Variants in CCDC61 observed in about 807,000 individuals in gnomAD.
The protein encoded by CCDC61 is coiled-coil domain containing 61.
In CCDC61, 55 loss-of-function variants were observed where a neutral mutation model predicts 63.0. The ratio of observed to expected loss-of-function variants is 0.87; its 90% confidence interval spans 0.70 to 1.09. The LOEUF (loss-of-function observed/expected upper bound fraction) is 1.09. Ranked by LOEUF, CCDC61 falls within the 50% of genes least tolerant of loss-of-function variation. The pLI, the probability that CCDC61 is intolerant of heterozygous loss-of-function variation, is 0.00. For missense variants in CCDC61, 651 were observed against 731.4 expected, an observed-to-expected ratio of 0.89 and a Z score of 1.27; for synonymous variants, 270 against 317.0, an observed-to-expected ratio of 0.85 and a Z score of 1.58.
In CCDC61 at chr19:46,008,317, GT is replaced by G; in HGVS notation, c.551+17del. 1 of 1,265,736 alleles carries G rather than the reference GT, an allele frequency of 7.9e-7. No homozygotes were observed. 78.4% of individuals were successfully genotyped at this position (1,265,736 alleles called of 1,614,324 possible). On this transcript the variant is annotated intron_variant, in intron 5 of 13. Transcript: ENST00000595358. ...TGCGGGAGCAGTGAGTCTTGGAGGG[GT>G]GGGCAGCTGGGGCGGGTGGGGGCCC... is the stretch of plus-strand genomic sequence containing the variant.
chr19:46,018,274 A>C lies in CCDC61; in HGVS notation c.1442-16A>C, dbSNP rs1968991484. On this transcript the variant is annotated splice_polypyrimidine_tract_variant and intron_variant, in intron 13 of 13. Transcript: ENST00000595358. This position sits in a 1 kb window ranked among gnomAD's most constrained non-coding sequence, Gnocchi z 4.2. ...CAGGCCCCTCACAGCCCCCATACCCACACCTGCTCTCACAGAGTACAGCTC... is the reference window on the plus strand; with the variant it reads ...CAGGCCCCTCACAGCCCCCATACCCCCACCTGCTCTCACAGAGTACAGCTC... The C allele has an allele frequency of 6.5e-7, 1 of 1,549,898 alleles. No homozygotes were observed.
intron 5 of CCDC61, among the ~76,000 whole-genome samples, chr19:46,013,403 C>T (rs1265168061): frequency 3.3e-5 from 5 of 151,236 alleles, no homozygotes; most frequent in African/African-American, 7.3e-5. Context: ...GGTATCTGTC[C>T]GCCTTGGCCT....
At chr19:46,017,399 GC>G in intron 12 of CCDC61, 95 bp downstream of exon 12, 1 of 1,193,896 alleles carries the variant, frequency 8.4e-7, no homozygotes, top group Non-Finnish European at 1.2e-6. Flanking sequence ...GACTCTGAAT[GC>G]CTTTGGCAAT....
At chr19:46,007,573 T>C (rs2146469037) in intron 4 of CCDC61, among the ~76,000 whole-genome samples, 1 of 151,858 alleles carries the variant, frequency 6.6e-6, no homozygotes, top group East Asian at 1.9e-4. Flanking sequence ...GCTGGGAAAA[T>C]GAATATCTGG....
intron 1 of CCDC61, among the ~76,000 whole-genome samples, chr19:45,996,689 C>T (rs1207069084): frequency 2.6e-5 from 4 of 152,136 alleles, no homozygotes; most frequent in Non-Finnish European, 2.9e-5. Context: ...CGTGAGCCAC[C>T]GTGCCTGGCT....
At chr19:45,999,054 C>T (rs922398271) in intron 1 of CCDC61, among the ~76,000 whole-genome samples, 3 of 152,164 alleles carry the variant, frequency 2.0e-5, no homozygotes, top group African/African-American at 7.2e-5. Flanking sequence ...TCAGTTTCAT[C>T]CTCTGTATAA....
At position 46,015,035 on chromosome 19, in the gene CCDC61, C is replaced by T. The variant is rs1387832286; in HGVS notation, c.552-14C>T. 2 of 1,488,096 alleles carry T rather than the reference C, an allele frequency of 1.3e-6. No homozygotes were observed. Among genetic ancestry groups the T allele is most frequent in the Non-Finnish European group, 8.9e-7 (1 of 1,123,044 alleles). 92.2% of individuals were successfully genotyped at this position (1,488,096 alleles called of 1,614,324 possible). Reference sequence around the variant, plus strand: ...ATGCCTCTCTCTCCAGCGCTCTCTCCGCGTCTTCCCCAGGGTGTCGCGCCT... The same window carrying T: ...ATGCCTCTCTCTCCAGCGCTCTCTCTGCGTCTTCCCCAGGGTGTCGCGCCT... On this transcript the variant is annotated splice_polypyrimidine_tract_variant and intron_variant, in intron 5 of 13. Transcript: ENST00000595358. This position sits in a 1 kb window ranked among gnomAD's most constrained non-coding sequence, Gnocchi z 5.3.
At chr19:46,017,218 A>G (rs376206073) in intron 11 of CCDC61, 29 bp from the exon 12 acceptor site, 42 of 1,555,608 alleles carry the variant, frequency 2.7e-5, no homozygotes, top group Middle Eastern at 1.7e-4. Context: ...CCTCCCCACC[A>G]CTGGTCCTTG....
chr19:46,013,185 A>AT (rs566101168), intron 5 of CCDC61, among the ~76,000 whole-genome samples: 2,123 of 150,070 alleles, frequency 0.014, 22 homozygotes, highest in Middle Eastern at 0.027. Context: ...GACCTGGCTA[A>AT]TTTTTTTTTT....
At chr19:46,005,063 T>G (rs141444891) in intron 3 of CCDC61, among the ~76,000 whole-genome samples, 1 of 152,002 alleles carries the variant, frequency 6.6e-6, no homozygotes, top group East Asian at 1.9e-4. Flanking sequence ...CAGGCTGGAG[T>G]GCAGTGGCAT....
intron 1 of CCDC61, among the ~76,000 whole-genome samples, chr19:46,002,046 C>T (rs1463399472): frequency 3.3e-5 from 5 of 151,998 alleles, no homozygotes; most frequent in Non-Finnish European, 7.4e-5. Flanking sequence ...TGGCTTCAAG[C>T]GATTCTCCTG....
rs1600654471 is a variant in CCDC61, at chr19:46,015,620, C to T, written c.845+193C>T. Among the ~76,000 whole-genome samples the T allele has an allele frequency of 6.6e-6, 1 of 152,154 alleles. No individual in the cohort carries two copies. The highest frequency in any genetic ancestry group is 1.5e-5 in the Non-Finnish European group (1 of 67,990). ...TGGGTGCAGTGGTTAGGAGGTGGACCCGGGCTGTGCGGAGATGCGCAGGCT... is the reference window on the plus strand; with the variant it reads ...TGGGTGCAGTGGTTAGGAGGTGGACTCGGGCTGTGCGGAGATGCGCAGGCT... On this transcript the variant is annotated intron_variant, in intron 7 of 13. Coordinates refer to ENST00000595358, the MANE Select transcript of CCDC61 (RefSeq NM_001267723.2). This position sits in a 1 kb window ranked among gnomAD's most constrained non-coding sequence, Gnocchi z 5.3.
rs549903861 is a variant in CCDC61, at chr19:46,004,195, C to T, written c.231+694C>T. ...CATCAGGTGATCCACCCGCCTCTGC[C>T]TCCCAGAGTGCTGGGATTACAGACG... On this transcript the variant is annotated intron_variant, in intron 3 of 13. Transcript: ENST00000595358. Among the ~76,000 whole-genome samples, 7 of 152,302 alleles carry T rather than the reference C, an allele frequency of 4.6e-5. No individual in the cohort carries two copies. The South Asian group carries it at 1.5e-3, about 32-fold the overall frequency.
At chr19:46,009,705 AC>A (rs1362376019) in intron 5 of CCDC61, among the ~76,000 whole-genome samples, 1 of 149,960 alleles carries the variant, frequency 6.7e-6, no homozygotes, top group Admixed American at 6.6e-5. Flanking sequence ...GGGCTGGGGA[AC>A]CCCGCCGGTC....
At chr19:46,013,370 A>G (rs185686287) in intron 5 of CCDC61, among the ~76,000 whole-genome samples, 47 of 151,340 alleles carry the variant, frequency 3.1e-4, no homozygotes, top group South Asian at 6.3e-4. Context: ...TTGCCCAGGC[A>G]TGTCTCAAAC....
Position 46,015,556 on chromosome 19 carries a change from C to A in CCDC61, c.845+129C>A. The A allele has an allele frequency of 2.3e-6, 1 of 436,978 alleles. No homozygotes were observed. The highest frequency in any genetic ancestry group is 3.8e-6 in the Non-Finnish European group (1 of 264,874). The allele number at this position is 436,978 out of a possible 1,614,324, so 27.1% of individuals were successfully genotyped here. ...GGAGGGGGCGGGGCTGAAGGGGAGG[C>A]GGGGCTTAGCGGACCCCGTCTGGAG... On this transcript the variant is annotated intron_variant, in intron 7 of 13. Transcript: ENST00000595358. This position sits in a 1 kb window ranked among gnomAD's most constrained non-coding sequence, Gnocchi z 5.3.
intron 5 of CCDC61, among the ~76,000 whole-genome samples, chr19:46,011,897 G>A (rs1279509361): frequency 1.3e-5 from 2 of 152,132 alleles, no homozygotes; most frequent in Non-Finnish European, 1.5e-5. Context: ...CTGCCTCCTG[G>A]GTTCAAGCGA....
intron 5 of CCDC61, 22 bp downstream of exon 5, chr19:46,008,323 A>AAGG: frequency 1.6e-6 from 1 of 625,814 alleles, no homozygotes; most frequent in Non-Finnish European, 2.9e-6. Context: ...AGGGGTGGGC[A>AAGG]GCTGGGGCGG....
rs1006268927 is a variant in CCDC61, at chr19:46,011,966, C to A, written c.552-3083C>A. On this transcript the variant is annotated intron_variant, in intron 5 of 13. Coordinates refer to ENST00000595358, the MANE Select transcript of CCDC61 (RefSeq NM_001267723.2). ...TACAGGTGTGTGCCACCACACCCGGCTGATTTTTGCATTTTTAGTAGAGAC... is the reference window on the plus strand; with the variant it reads ...TACAGGTGTGTGCCACCACACCCGGATGATTTTTGCATTTTTAGTAGAGAC... 2.0e-5 allele frequency among the ~76,000 whole-genome samples: 3 copies of A among 152,172 alleles called. No homozygotes were observed. The South Asian group carries it at 6.2e-4, about 32-fold the overall frequency.
Sources: allele counts gnomAD v4.1 joint callset (sites outside exome capture counted in the v4.1 genomes callset), GRCh38; gene constraint gnomAD v4.1.1; non-coding constraint Gnocchi (gnomAD v3.1); transcripts MANE v1.5; gene names NCBI Gene and HGNC (gene_info 2026-07-23, HGNC 2026-07-21).